NLRP6: variants seen among roughly 807,000 people sequenced by gnomAD.
The protein encoded by NLRP6 is NACHT, LRR and PYD domains-containing protein 6.
NLRP6 carries 55 observed loss-of-function variants against 70.9 expected under a neutral mutation model. The observed-to-expected ratio is 0.78, with a 90% CI of 0.62 to 0.97. The LOEUF (loss-of-function observed/expected upper bound fraction) is 0.97. NLRP6 is among the 50% of genes least tolerant of loss of function. The pLI is 0.00. For missense variants in NLRP6, 1,241 were observed against 1,238.3 expected, an observed-to-expected ratio of 1.00 and a Z score of -0.03; for synonymous variants, 652 against 581.9, an observed-to-expected ratio of 1.12 and a Z score of -1.73.
intron 1 of NLRP6, 25 bp from the exon 2 acceptor site, chr11:279,302 A>G (rs2134006385): frequency 9.3e-7 from 1 of 1,077,404 alleles, no homozygotes; most frequent in Non-Finnish European, 1.1e-6. Flanking sequence ...CCGCTCCCCG[A>G]TGACCCGCGC....
chr11:279,274 G>C, intron 1 of NLRP6, 53 bp from the exon 2 acceptor site: 1 of 1,226,038 alleles, frequency 8.2e-7, no homozygotes, highest in Non-Finnish European at 1.0e-6. Flanking sequence ...TCGGGGGCGG[G>C]CGGGGGTCAC....
At chr11:283,646 A>T (rs117091523) in intron 5 of NLRP6, among the ~76,000 whole-genome samples, 1 of 152,136 alleles carries the variant, frequency 6.6e-6, no homozygotes, top group Non-Finnish European at 1.5e-5. Flanking sequence ...ATAACTTGCC[A>T]GTCACTCTTA....
Position 280,586 on chromosome 11 carries a change from G to A in NLRP6, c.852G>A (p.Leu284=), listed in dbSNP as rs748341445. 62 of 1,452,410 alleles carry A rather than the reference G, an allele frequency of 4.3e-5. No homozygotes were observed. The highest frequency in any genetic ancestry group is 5.1e-5 in the Non-Finnish European group (57 of 1,115,818). 90.0% of individuals were successfully genotyped at this position (1,452,410 alleles called of 1,614,324 possible). The stretch of plus-strand genomic sequence containing the variant: ...TCATCCTGGACGGCGCGGACGAGCT[G>A]CCGGCGCTGGGGGGCCCCGAGGCCG... ...LLFILDGADE[L]PALGGPEAAP... The change falls in exon 4 of 8, where the codon CTG becomes CTA. Residue 284 remains leucine (L), a synonymous_variant. Coordinates refer to ENST00000534750, the MANE Select transcript of NLRP6 (RefSeq NM_001276700.2).
chr11:282,553 G>A (rs1205561477), intron 4 of NLRP6, 152 bp from the exon 5 acceptor site: 2 of 673,616 alleles, frequency 3.0e-6, no homozygotes, highest in Non-Finnish European at 5.4e-6. Context: ...TTTGCTCTGG[G>A]TTTGGTTGGG....
At position 280,170 on chromosome 11, in the gene NLRP6, C is replaced by T. The variant is rs1486919227; in HGVS notation, c.436C>T (p.Arg146Cys). Residue 146 changes from arginine (R) to cysteine (C), a missense_variant, in exon 4 of 8, where the codon CGC (arginine) becomes TGC (cysteine). Arg to Cys is a radical substitution (Grantham distance 180, BLOSUM62 -3). Coordinates refer to ENST00000534750, the MANE Select transcript of NLRP6 (RefSeq NM_001276700.2). Reference sequence around the variant, plus strand: ...CGCCCGCTCCGTGAAGATCACCAAGCGCTTCACCAAGCTGCTCATCGCGCC... The same window carrying T: ...CGCCCGCTCCGTGAAGATCACCAAGTGCTTCACCAAGCTGCTCATCGCGCC... ...RNARSVKITK[R>C]FTKLLIAPES... The T allele has an allele frequency of 6.4e-7, 1 of 1,550,600 alleles. No homozygotes were observed. Among genetic ancestry groups the T allele is most frequent in the Admixed American group, 2.0e-5 (1 of 51,212 alleles).
chr11:284,430 A>G, intron 6 of NLRP6, 30 bp downstream of exon 6: 1 of 1,601,524 alleles, frequency 6.2e-7, no homozygotes. Context: ...GGACCGTGGG[A>G]TGCCCCCGCC....
At chr11:282,479 T>C (rs1408156290) in intron 4 of NLRP6, among the ~76,000 whole-genome samples, 3 of 152,192 alleles carry the variant, frequency 2.0e-5, no homozygotes, top group African/African-American at 7.2e-5. Flanking sequence ...ATGTGGGTGA[T>C]ACCGTCCCAC....
At chr11:285,121 T>C in intron 7 of NLRP6, 45 bp from the exon 8 acceptor site, 1 of 1,551,078 alleles carries the variant, frequency 6.4e-7, no homozygotes, top group Middle Eastern at 1.8e-4. Flanking sequence ...CCCTGGCTGC[T>C]TTCCCCCACC....
Position 281,398 on chromosome 11 carries a change from G to C in NLRP6, c.1664G>C (p.Arg555Pro), listed in dbSNP as rs1590269770. Residue 555 changes from arginine (R) to proline (P), a missense_variant, in exon 4 of 8, where the codon CGG (arginine) becomes CCG (proline). Transcript: ENST00000534750. Reference sequence around the variant, plus strand: ...CTCTTCGGACTGCTGAGCGCGGAGCGGATGCGCGACATCGAGCGCCACTTC... The same window carrying C: ...CTCTTCGGACTGCTGAGCGCGGAGCCGATGCGCGACATCGAGCGCCACTTC... Reference protein sequence around the residue: ...RFLFGLLSAERMRDIERHFGC... With the variant: ...RFLFGLLSAEPMRDIERHFGC... 1 of 1,609,396 alleles carries C rather than the reference G, an allele frequency of 6.2e-7. No homozygotes were observed. The highest frequency in any genetic ancestry group is 8.5e-7 in the Non-Finnish European group (1 of 1,178,486).
At chr11:283,311 C>CTTTTTTT (rs34619806) in intron 5 of NLRP6, among the ~76,000 whole-genome samples, 2 of 115,454 alleles carry the variant, frequency 1.7e-5, no homozygotes, top group Non-Finnish European at 3.5e-5. Context: ...ATGTACAGTT[C>CTTTTTTT]TTTTTTTTTT....
In NLRP6 at chr11:280,505, C is replaced by A; in HGVS notation, c.771C>A (p.Cys257Ter). ...RSLADLILDQ[C>*]PDRGAPVPQM... ...TGGCTGACCTGATCCTGGACCAGTG[C>A]CCCGACCGCGGCGCGCCGGTGCCGC... Residue 257 changes from cysteine to a stop codon, truncating the protein, a stop_gained, in exon 4 of 8, where the codon TGC (cysteine) becomes TGA (stop). Coordinates refer to ENST00000534750, the MANE Select transcript of NLRP6 (RefSeq NM_001276700.2). LOFTEE classifies it high-confidence loss of function. 2.5e-6 allele frequency: 4 copies of A among 1,576,840 alleles called. No homozygotes were observed. Among genetic ancestry groups the A allele is most frequent in the Non-Finnish European group, 3.4e-6 (4 of 1,172,150 alleles).
At chr11:283,877 GAA>G (rs139029906) in intron 5 of NLRP6, among the ~76,000 whole-genome samples, 5 of 142,624 alleles carry the variant, frequency 3.5e-5, no homozygotes, top group African/African-American at 5.1e-5. Context: ...ATTTATAATG[GAA>G]AAAAAAAAAA....
Position 280,946 on chromosome 11 carries a change from C to T in NLRP6, c.1212C>T (p.Leu404=), listed in dbSNP as rs772801343. The change falls in exon 4 of 8, where the codon CTC becomes CTT. Residue 404 remains leucine (L), a synonymous_variant. Coordinates refer to ENST00000534750, the MANE Select transcript of NLRP6 (RefSeq NM_001276700.2). ...VCTVLRQQLE[L]GRDLSRTSKT... is the part of the protein sequence containing the mutation. The stretch of plus-strand genomic sequence containing the variant: ...CCGTGCTGCGCCAGCAGCTGGAGCT[C>T]GGTCGGGACCTGTCGCGCACGTCCA... 2.5e-6 allele frequency: 4 copies of T among 1,613,120 alleles called. No homozygotes were observed. The highest frequency in any genetic ancestry group is 3.3e-5 in the Admixed American group (2 of 60,004).
chr11:281,524 C>G lies in NLRP6; in HGVS notation c.1790C>G (p.Ala597Gly). 6.2e-7 allele frequency: 1 copy of G among 1,608,084 alleles called. No individual in the cohort carries two copies. Among genetic ancestry groups the G allele is most frequent in the Non-Finnish European group, 8.5e-7 (1 of 1,177,108 alleles). ...PGVAPEVTEGAKGLEDTEEPE... is the reference protein window; with the variant it reads ...PGVAPEVTEGGKGLEDTEEPE... ...GTGGCACCAGAGGTGACCGAGGGGGCCAAAGGGCTCGAGGACACCGAAGAG... is the reference window on the plus strand; with the variant it reads ...GTGGCACCAGAGGTGACCGAGGGGGGCAAAGGGCTCGAGGACACCGAAGAG... Residue 597 changes from alanine (A) to glycine (G), a missense_variant, in exon 4 of 8, where the codon GCC becomes GGC. Ala to Gly is a moderately conservative substitution (Grantham distance 60). Coordinates refer to ENST00000534750, the MANE Select transcript of NLRP6 (RefSeq NM_001276700.2).
In NLRP6 at chr11:282,606, G is replaced by A. The variant is rs1845494551; in HGVS notation, c.2106-99G>A. On this transcript the variant is annotated intron_variant, in intron 4 of 7. Coordinates refer to ENST00000534750, the MANE Select transcript of NLRP6 (RefSeq NM_001276700.2). ...GCTCAGCAAGGAGGTGAGGAGGAGG[G>A]GCAGCTCTGAGACCCCAGGACTACA... 4 of 929,344 alleles carry A rather than the reference G, an allele frequency of 4.3e-6. No individual in the cohort carries two copies. In the Admixed American group the frequency reaches 7.0e-5, roughly 16 times the overall value. The allele number at this position is 929,344 out of a possible 1,614,324, so 57.6% of individuals were successfully genotyped here.
At chr11:284,433 C>A (rs1167915626) in intron 6 of NLRP6, 33 bp downstream of exon 6, 2 of 1,600,816 alleles carry the variant, frequency 1.2e-6, no homozygotes, top group African/African-American at 2.7e-5. Flanking sequence ...CCGTGGGATG[C>A]CCCCGCCACC....
rs749544507 is a variant in NLRP6 at position 281,375 on chromosome 11, C to G, written c.1641C>G (p.Leu547=). The change falls in exon 4 of 8, where the codon CTC becomes CTG. Residue 547 remains leucine (L), a synonymous_variant. Transcript: ENST00000534750. ...ACTTGGTGCTCACCACGCGCTTCCT[C>G]TTCGGACTGCTGAGCGCGGAGCGGA... ...HSHLVLTTRF[L]FGLLSAERMR... is the part of the protein sequence containing the mutation. The G allele has an allele frequency of 1.2e-6, 2 of 1,610,504 alleles. No homozygotes were observed. The highest frequency in any genetic ancestry group is 2.2e-5 in the South Asian group (2 of 90,904).
chr11:279,605 A>G lies in NLRP6; in HGVS notation c.308A>G (p.Gln103Arg). 7.1e-7 allele frequency: 1 copy of G among 1,399,620 alleles called. No individual in the cohort carries two copies. Among genetic ancestry groups the G allele is most frequent in the Non-Finnish European group, 9.2e-7 (1 of 1,081,438 alleles). 86.7% of individuals were successfully genotyped at this position (1,399,620 alleles called of 1,614,324 possible). Residue 103 changes from glutamine (Q) to arginine (R), a missense_variant and splice_region_variant, in exon 2 of 8, where the codon CAG becomes CGG. Coordinates refer to ENST00000534750, the MANE Select transcript of NLRP6 (RefSeq NM_001276700.2). ...GCGCAGCTCCAGGAGCGGCGGCTGC[A>G]GCGTGAGTTCTGCGCGGGAGGTCCC... ...VAAQLQERRL[Q>R]RLGLGSGTLL...
rs1845532744 is a variant in NLRP6 at position 284,646 on chromosome 11, G to T, written c.2537+4G>T. On this transcript the variant is annotated splice_donor_region_variant and intron_variant, in intron 7 of 7. Coordinates refer to ENST00000534750, the MANE Select transcript of NLRP6 (RefSeq NM_001276700.2). ...GATGCGGCCTGCAGACCCTCAGGTG[G>T]AGGCAGGGGTGGGAAGGGTGCTGGG... The T allele has an allele frequency of 6.3e-7, 1 of 1,599,488 alleles. No individual in the cohort carries two copies. Among genetic ancestry groups the T allele is most frequent in the East Asian group, 2.2e-5 (1 of 44,710 alleles).
Sources: gnomAD v4.1 joint callset for allele counts (sites outside exome capture counted in the v4.1 genomes callset) on GRCh38, gnomAD v4.1.1 for gene constraint, MANE v1.5 for transcripts, NCBI Gene and HGNC (gene_info 2026-07-23, HGNC 2026-07-21) for gene names.